The following SRBD1 variants were observed in gnomAD, a reference collection of about 807,000 sequenced individuals.
SRBD1 encodes S1 RNA binding domain 1.
Under a neutral mutation model 115.3 loss-of-function variants are expected in SRBD1, and 88 were observed. The observed-to-expected ratio is 0.76, with a 90% CI of 0.64 to 0.91. The LOEUF (loss-of-function observed/expected upper bound fraction) is 0.91. SRBD1 is among the 40% of genes least tolerant of loss of function. The pLI, the probability that SRBD1 is intolerant of heterozygous loss-of-function variation, is 0.00. For synonymous variants in SRBD1, 509 were observed against 407.7 expected (o/e 1.25, Z -2.99); for missense variants, 1,385 against 1,177.4 (o/e 1.18, Z -2.58).
At chr2:45,429,463 A>T (rs1425561236) in intron 16 of SRBD1, among the ~76,000 whole-genome samples, 1 of 152,164 alleles carries the variant, frequency 6.6e-6, no homozygotes, top group Non-Finnish European at 1.5e-5. Flanking sequence ...AGTTGGCTTC[A>T]TCTCTGGGAT....
At chr2:45,515,770 A>G (rs1021262924) in intron 14 of SRBD1, among the ~76,000 whole-genome samples, 1 of 152,246 alleles carries the variant, frequency 6.6e-6, no homozygotes, top group African/African-American at 2.4e-5. Context: ...TCAGCAGCCA[A>G]GAAAGACCTG....
chr2:45,592,783 C>T (rs1453932042), intron 4 of SRBD1, among the ~76,000 whole-genome samples: 2 of 152,176 alleles, frequency 1.3e-5, no homozygotes, highest in Non-Finnish European at 2.9e-5. Flanking sequence ...CAGTGGTTTA[C>T]AATGTGTGGT....
chr2:45,419,839 C>T lies in SRBD1; in HGVS notation c.2105G>A (p.Cys702Tyr). The change falls in exon 17 of 21, where the codon TGT becomes TAT. Residue 702 changes from cysteine (C) to tyrosine (Y), a missense_variant. Coordinates refer to ENST00000263736, the MANE Select transcript of SRBD1 (RefSeq NM_018079.5). ...AATATCCACTCCCACAAAGCTGACA[C>T]ATTCTTCTACAACACTGTCCAGTGT... is the stretch of plus-strand genomic sequence containing the variant. ...KATLDSVVEECVSFVGVDINI... is the reference protein window; with the variant it reads ...KATLDSVVEEYVSFVGVDINI... 1.2e-6 allele frequency: 2 copies of T among 1,613,756 alleles called. No individual in the cohort carries two copies. Among genetic ancestry groups the T allele is most frequent in the Middle Eastern group, 1.6e-4 (1 of 6,082 alleles).
chr2:45,428,561 AATAAATAAATAAATAAATAAATAC>A (rs1250000843), intron 16 of SRBD1, among the ~76,000 whole-genome samples: 1 of 121,700 alleles, frequency 8.2e-6, no homozygotes, highest in Non-Finnish European at 1.9e-5. Flanking sequence ...CAAAAAAATA[AATAAATAAATAAATAAATAAATAC>A]ATAAATAAAT....
intron 16 of SRBD1, among the ~76,000 whole-genome samples, chr2:45,457,279 T>C (rs1481561792): frequency 6.6e-6 from 1 of 151,910 alleles, no homozygotes; most frequent in African/African-American, 2.4e-5. Flanking sequence ...AAAAATACCA[T>C]TACATGATTT....
At chr2:45,536,928 T>G (rs1237500724) in intron 14 of SRBD1, among the ~76,000 whole-genome samples, 1 of 152,156 alleles carries the variant, frequency 6.6e-6, no homozygotes, top group Admixed American at 6.5e-5. Flanking sequence ...TGATCAACCA[T>G]AAGAAACACA....
At chr2:45,410,660 A>G (rs1354253576) in intron 19 of SRBD1, among the ~76,000 whole-genome samples, 1 of 152,154 alleles carries the variant, frequency 6.6e-6, no homozygotes, top group African/African-American at 2.4e-5. Context: ...AAAACCAAAC[A>G]AGTGACTAGA....
At chr2:45,580,673 C>CTCCT (rs1558492437) in intron 6 of SRBD1, among the ~76,000 whole-genome samples, 4 of 108,188 alleles carry the variant, frequency 3.7e-5, no homozygotes, top group African/African-American at 1.5e-4. Context: ...AATTCTTCTA[C>CTCCT]TTCTTTTTTT....
intron 14 of SRBD1, among the ~76,000 whole-genome samples, chr2:45,507,634 T>C (rs1375141303): frequency 6.6e-6 from 1 of 151,882 alleles, no homozygotes; most frequent in Non-Finnish European, 1.5e-5. Context: ...GGCAGGAGAA[T>C]TGCTTGAACC....
chr2:45,439,362 T>TAC lies in SRBD1; in HGVS notation c.2050-19469_2050-19468insGT, dbSNP rs372130719. Among the ~76,000 whole-genome samples the TAC allele has an allele frequency of 8.4e-3, 929 of 110,936 alleles. 5 individuals carry two copies. The highest frequency in any genetic ancestry group is 0.051 in the African/African-American group (845 of 16,670). The allele number at this position is 110,936 out of a possible 152,430, so 72.8% of individuals were successfully genotyped here. A position where few individuals can be genotyped will look rare whatever the true frequency, so the allele number is the denominator to read the frequency against. The stretch of plus-strand genomic sequence containing the variant: ...AAGTAAAACATGGTATTCTAGGACA[T>TAC]ATATATATATATATATAAAACAATT... On this transcript the variant is annotated intron_variant, in intron 16 of 20. Transcript: ENST00000263736.
At position 45,571,517 on chromosome 2, in the gene SRBD1, C is replaced by CAAAAAAAAAAAAAAAAAAAAAAAAAA. The variant is rs58100763; in HGVS notation, c.1305+1689_1305+1690insTTTTTTTTTTTTTTTTTTTTTTTTTT. On this transcript the variant is annotated intron_variant, in intron 9 of 20. Transcript: ENST00000263736. ...AAAATACAACATATCCAGACTTTACCAAAAAAAAAAAAAAAAAAAAAAAAA... is the reference window on the plus strand; with the variant it reads ...AAAATACAACATATCCAGACTTTACCAAAAAAAAAAAAAAAAAAAAAAAAAAAAAAAAAAAAAAAAAAAAAAAAAAA... Among the ~76,000 whole-genome samples, 42 of 39,406 alleles carry CAAAAAAAAAAAAAAAAAAAAAAAAAA rather than the reference C, an allele frequency of 1.1e-3. 4 individuals are homozygous for CAAAAAAAAAAAAAAAAAAAAAAAAAA. The highest frequency in any genetic ancestry group is 2.8e-3 in the East Asian group (3 of 1,066). The allele number at this position is 39,406 out of a possible 152,430, so 25.9% of individuals were successfully genotyped here. A position where few individuals can be genotyped will look rare whatever the true frequency, so the allele number is the denominator to read the frequency against.
At chr2:45,401,310 T>C (rs1667286304) in intron 19 of SRBD1, among the ~76,000 whole-genome samples, 1 of 152,186 alleles carries the variant, frequency 6.6e-6, no homozygotes, top group Non-Finnish European at 1.5e-5. Context: ...TTTAGCAATC[T>C]GTCCACTTAA....
intron 16 of SRBD1, among the ~76,000 whole-genome samples, chr2:45,423,751 C>T (rs1344789655): frequency 1.3e-5 from 2 of 152,078 alleles, no homozygotes; most frequent in Non-Finnish European, 2.9e-5. Flanking sequence ...AAGAAACCTA[C>T]ATTTGAACTG....
At chr2:45,454,535 T>TGTTATAAAA (rs1283840809) in intron 16 of SRBD1, among the ~76,000 whole-genome samples, 14 of 151,868 alleles carry the variant, frequency 9.2e-5, no homozygotes, top group African/African-American at 3.1e-4. Context: ...TTATAAAACA[T>TGTTATAAAA]CAATCTAATT....
intron 16 of SRBD1, among the ~76,000 whole-genome samples, chr2:45,476,053 C>T (rs1398384220): frequency 1.3e-5 from 2 of 152,186 alleles, no homozygotes; most frequent in Non-Finnish European, 2.9e-5. Flanking sequence ...AGATCAGTCC[C>T]TTTAGCAACT....
intron 16 of SRBD1, among the ~76,000 whole-genome samples, chr2:45,429,979 C>A (rs999358839): frequency 6.6e-6 from 1 of 152,162 alleles, no homozygotes; most frequent in Non-Finnish European, 1.5e-5. Context: ...AAATCACAGG[C>A]ACTCCTATAC....
chr2:45,438,198 C>G (rs898805585), intron 16 of SRBD1, among the ~76,000 whole-genome samples: 1 of 152,116 alleles, frequency 6.6e-6, no homozygotes, highest in Non-Finnish European at 1.5e-5. Flanking sequence ...AAAAAAATCC[C>G]TATATGATTC....
intron 16 of SRBD1, among the ~76,000 whole-genome samples, chr2:45,474,360 T>C (rs945153800): frequency 6.6e-6 from 1 of 152,250 alleles, no homozygotes; most frequent in Non-Finnish European, 1.5e-5. Context: ...TTCTGTTTAC[T>C]ATTCCCCACC....
intron 16 of SRBD1, among the ~76,000 whole-genome samples, chr2:45,453,594 T>C (rs1669062345): frequency 6.6e-6 from 1 of 151,918 alleles, no homozygotes; most frequent in Non-Finnish European, 1.5e-5. Context: ...AGAGTTCCTA[T>C]AAATTTGGTA....
Sources: gnomAD v4.1 joint callset for allele counts (sites outside exome capture counted in the v4.1 genomes callset) on GRCh38, gnomAD v4.1.1 for gene constraint, MANE v1.5 for transcripts, NCBI Gene and HGNC (gene_info 2026-07-23, HGNC 2026-07-21) for gene names.